EYS: variants seen among roughly 807,000 people sequenced by gnomAD.
The protein encoded by EYS is EGF-like photoreceptor maintenance factor.
EYS carries 250 observed loss-of-function variants against 282.1 expected under a neutral mutation model. The ratio of observed to expected loss-of-function variants is 0.89; its 90% CI spans 0.80 to 0.98. The LOEUF is 0.98. Among genes scored for constraint, EYS ranks in the 50% least tolerant of loss-of-function variants. The pLI is 0.00. For synonymous variants in EYS, 1,355 were observed against 1,282.9 expected, an observed-to-expected ratio of 1.06 and a Z score of -1.20; for missense variants, 4,016 against 3,709.0, an observed-to-expected ratio of 1.08 and a Z score of -2.15.
At chr6:65,557,394 C>T (rs565532375) in intron 2 of EYS, among the ~76,000 whole-genome samples, 17 of 152,166 alleles carry the variant, frequency 1.1e-4, no homozygotes, top group Non-Finnish European at 1.3e-4. Flanking sequence ...CAGCTCCAGG[C>T]GCTGGCACAG....
chr6:65,609,026 T>TA (rs1765900288), intron 2 of EYS, among the ~76,000 whole-genome samples: 2 of 152,078 alleles, frequency 1.3e-5, no homozygotes, highest in South Asian at 4.1e-4. Flanking sequence ...GAATACAATC[T>TA]AAAATAATGA....
At chr6:64,684,792 A>G (rs998879365) in intron 22 of EYS, among the ~76,000 whole-genome samples, 1 of 152,030 alleles carries the variant, frequency 6.6e-6, no homozygotes, top group Non-Finnish European at 1.5e-5. Context: ...TGGAATGTAT[A>G]AAGATATAGT....
intron 19 of EYS, among the ~76,000 whole-genome samples, chr6:64,855,509 T>A (rs913616779): frequency 8.5e-5 from 13 of 152,248 alleles, no homozygotes; most frequent in African/African-American, 2.9e-4. Flanking sequence ...TTTAGAACAG[T>A]TTAGGGGTTT....
At chr6:65,302,408 AGTT>A (rs1227714544) in intron 11 of EYS, 1 of 652,864 alleles carries the variant, frequency 1.5e-6, no homozygotes, top group Non-Finnish European at 2.8e-6. Context: ...TCTGTGATCA[AGTT>A]GTCATTTGGA....
chr6:64,881,609 T>C (rs1766921987), intron 19 of EYS, among the ~76,000 whole-genome samples: 1 of 151,826 alleles, frequency 6.6e-6, no homozygotes, highest in Non-Finnish European at 1.5e-5. Context: ...CTCTGTTATG[T>C]TCACCAGACT....
At chr6:65,631,602 T>A (rs1310317206) in intron 2 of EYS, among the ~76,000 whole-genome samples, 1 of 152,186 alleles carries the variant, frequency 6.6e-6, no homozygotes, top group African/African-American at 2.4e-5. Flanking sequence ...GCACAAATAC[T>A]GTCATCTCTA....
intron 2 of EYS, among the ~76,000 whole-genome samples, chr6:65,622,913 C>T (rs1381726581): frequency 2.6e-5 from 4 of 151,960 alleles, no homozygotes; most frequent in African/African-American, 9.7e-5. Flanking sequence ...ATGCACAACA[C>T]CACCCGACTA....
chr6:65,505,444 G>C (rs1576638), intron 2 of EYS, among the ~76,000 whole-genome samples: 43,617 of 150,988 alleles, frequency 0.29, 6,703 homozygotes, highest in African/African-American at 0.4. Flanking sequence ...CTCTTCTTTT[G>C]CTTAGTTTGG....
intron 8 of EYS, among the ~76,000 whole-genome samples, chr6:65,371,725 CTCTCTCTCTCTCTCTCTGTGTGTGTG>C (rs1765150378): frequency 8.6e-6 from 1 of 116,058 alleles, no homozygotes; most frequent in Admixed American, 1.0e-4. Flanking sequence ...CTCTCTCTCT[CTCTCTCTCTCTCTCTCTGTGTGTGTG>C]TGTGTGTGTG....
chr6:64,929,412 T>C (rs1218400005), intron 15 of EYS, among the ~76,000 whole-genome samples: 1 of 152,154 alleles, frequency 6.6e-6, no homozygotes, highest in African/African-American at 2.4e-5. Context: ...AGGTCTTTAA[T>C]ACCTTTTCTG....
intron 22 of EYS, among the ~76,000 whole-genome samples, chr6:64,809,460 T>C (rs1764531231): frequency 2.0e-5 from 3 of 151,566 alleles, no homozygotes; most frequent in South Asian, 4.2e-4. Flanking sequence ...GAGAAGTAAA[T>C]AAAAATGTGA....
chr6:64,912,954 T>A (rs1025868178), intron 15 of EYS, among the ~76,000 whole-genome samples: 2 of 152,066 alleles, frequency 1.3e-5, no homozygotes, highest in African/African-American at 4.8e-5. Context: ...TTGGCTGAAA[T>A]AAGATTTTAA....
intron 28 of EYS, among the ~76,000 whole-genome samples, chr6:64,407,419 C>T (rs1773754335): frequency 2.0e-5 from 3 of 152,040 alleles, no homozygotes; most frequent in Non-Finnish European, 4.4e-5. Context: ...GCACATTCTA[C>T]ACATGTACCC....
chr6:64,069,906 AATTAT>A (rs1466429313), intron 32 of EYS, among the ~76,000 whole-genome samples: 1 of 152,130 alleles, frequency 6.6e-6, no homozygotes, highest in East Asian at 1.9e-4. Context: ...TGTGAAAAGT[AATTAT>A]ATTTTTTTCA....
intron 31 of EYS, among the ~76,000 whole-genome samples, chr6:64,092,075 A>G (rs559546372): frequency 3.9e-5 from 6 of 152,328 alleles, no homozygotes; most frequent in Admixed American, 2.0e-4. Flanking sequence ...TACAAAGCAC[A>G]TGAACTTATC....
intron 2 of EYS, among the ~76,000 whole-genome samples, chr6:65,586,610 GA>G (rs1393703237): frequency 6.6e-6 from 1 of 151,984 alleles, no homozygotes; most frequent in African/African-American, 2.4e-5. Context: ...AACAACCGAA[GA>G]ATGAAACGCA....
At chr6:64,955,649 G>A (rs9360100) in intron 14 of EYS, among the ~76,000 whole-genome samples, 10,220 of 152,122 alleles carry the variant, frequency 0.067, 434 homozygotes, top group East Asian at 0.13. Context: ...TTGCAGTTTT[G>A]GCTCCCTATC....
intron 31 of EYS, among the ~76,000 whole-genome samples, chr6:64,154,405 A>C (rs1253497390): frequency 4.2e-5 from 6 of 143,108 alleles, no homozygotes; most frequent in Middle Eastern, 3.8e-3. Flanking sequence ...ACACCATTGT[A>C]CTCCAGTCTG....
At chr6:63,932,224 A>G (rs1764916139) in intron 35 of EYS, among the ~76,000 whole-genome samples, 1 of 152,076 alleles carries the variant, frequency 6.6e-6, no homozygotes, top group African/African-American at 2.4e-5. Context: ...TTCCTTATCT[A>G]TTCATTTATT....
Sources: gnomAD v4.1 joint callset for allele counts (sites outside exome capture counted in the v4.1 genomes callset) on GRCh38, gnomAD v4.1.1 for gene constraint, MANE v1.5 for transcripts, NCBI Gene and HGNC (gene_info 2026-07-23, HGNC 2026-07-21) for gene names.